The following AP1G1 variants were observed in gnomAD, a reference collection of about 807,000 sequenced individuals.
AP1G1 encodes AP-1 complex subunit gamma-1.
In AP1G1, 7 loss-of-function variants were observed where a neutral mutation model predicts 108.3. That is an observed-to-expected ratio of 0.06 (90% CI 0.04 to 0.12). AP1G1 has a LOEUF of 0.12. Among genes scored for constraint, AP1G1 ranks in the 10% least tolerant of loss-of-function variants. The pLI, the probability that AP1G1 is intolerant of heterozygous loss-of-function variation, is 1.00. For synonymous variants in AP1G1, 379 were observed against 353.5 expected (o/e 1.07, Z -0.81); for missense variants, 756 against 1,010.7 (o/e 0.75, Z 3.42).
intron 6 of AP1G1, among the ~76,000 whole-genome samples, chr16:71,766,829 T>C (rs2031337893): frequency 1.3e-5 from 2 of 152,218 alleles, no homozygotes; most frequent in Non-Finnish European, 2.9e-5. Context: ...CATAACAGTT[T>C]GGAATTAAGT....
Position 71,759,771 on chromosome 16 carries a change from A to T in AP1G1, c.975-850T>A, listed in dbSNP as rs574360802. On this transcript the variant is annotated intron_variant, in intron 10 of 22. Transcript: ENST00000299980. ...CGAGACTCTGTCTCAAAAAAAAAAA[A>T]AATTAATTAAATTAAATTAAATATA... 2.6e-3 allele frequency among the ~76,000 whole-genome samples: 388 copies of T among 149,908 alleles called. 2 individuals carry two copies. The highest frequency in any genetic ancestry group is 8.0e-3 in the African/African-American group (330 of 41,012).
Position 71,738,934 on chromosome 16 carries a change from T to C in AP1G1, c.2268+8A>G. ...CAAAGGAAACATCTAAAGAAGACAT[T>C]GTAGTACCTTTGGTACTGCAGCTTG... On this transcript the variant is annotated splice_region_variant and intron_variant, in intron 21 of 22. Transcript: ENST00000299980. The C allele has an allele frequency of 2.5e-6, 4 of 1,610,370 alleles. No individual in the cohort carries two copies. The highest frequency in any genetic ancestry group is 2.5e-6 in the Non-Finnish European group (3 of 1,178,544).
At chr16:71,743,667 A>C (rs1056116442) in intron 19 of AP1G1, 2 of 151,994 alleles carry the variant, frequency 1.3e-5, no homozygotes, top group African/African-American at 4.8e-5. Context: ...TTAGGATAGA[A>C]GTTGTAGGCC....
chr16:71,744,054 C>T (rs1000037322), intron 19 of AP1G1, among the ~76,000 whole-genome samples: 5 of 151,628 alleles, frequency 3.3e-5, no homozygotes, highest in African/African-American at 7.3e-5. Context: ...ACCAGCCTGA[C>T]GAACATGGAG....
chr16:71,772,116 A>T (rs1350043985), intron 4 of AP1G1, among the ~76,000 whole-genome samples: 1 of 145,840 alleles, frequency 6.9e-6, no homozygotes, highest in East Asian at 2.1e-4. Context: ...GGAGGAAAAA[A>T]TATCTTTTTT....
intron 6 of AP1G1, among the ~76,000 whole-genome samples, chr16:71,768,516 G>T (rs933794099): frequency 5.2e-5 from 3 of 57,450 alleles, no homozygotes; most frequent in Non-Finnish European, 1.1e-4. Context: ...AAAAAAAAGA[G>T]AGAAGGGAGT....
intron 1 of AP1G1, among the ~76,000 whole-genome samples, chr16:71,803,093 C>T (rs1006791240): frequency 5.3e-5 from 8 of 151,442 alleles, no homozygotes; most frequent in African/African-American, 1.9e-4. Context: ...TGCACGCCTG[C>T]AGTCCCAGCT....
chr16:71,765,769 G>C (rs1363927511), intron 6 of AP1G1, 185 bp from the exon 7 acceptor site: 1 of 528,496 alleles, frequency 1.9e-6, no homozygotes, highest in African/African-American at 1.9e-5. Flanking sequence ...TATTCAAGAA[G>C]TAGTATGTAT....
chr16:71,793,370 T>C (rs2032471570), intron 1 of AP1G1, among the ~76,000 whole-genome samples: 1 of 152,122 alleles, frequency 6.6e-6, no homozygotes, highest in South Asian at 2.1e-4. Flanking sequence ...GAAGTCCTCA[T>C]TCAGCCCGTT....
At chr16:71,746,172 A>T (rs1399562272) in intron 17 of AP1G1, among the ~76,000 whole-genome samples, 1 of 152,082 alleles carries the variant, frequency 6.6e-6, no homozygotes, top group Non-Finnish European at 1.5e-5. Flanking sequence ...ACCATGCCCA[A>T]CTAATTTTTT....
intron 13 of AP1G1, among the ~76,000 whole-genome samples, chr16:71,751,012 C>T (rs945300782): frequency 4.0e-5 from 6 of 151,362 alleles, no homozygotes; most frequent in South Asian, 2.1e-4. Flanking sequence ...AAAAATTAGC[C>T]GGGCATGTGG....
intron 2 of AP1G1, among the ~76,000 whole-genome samples, chr16:71,775,321 C>T (rs1242636201): frequency 6.6e-6 from 1 of 152,004 alleles, no homozygotes; most frequent in African/African-American, 2.4e-5. Context: ...CCTGAGCCAC[C>T]GCGCCCGGCC....
chr16:71,777,304 A>G (rs2031823448), intron 2 of AP1G1, among the ~76,000 whole-genome samples: 1 of 150,860 alleles, frequency 6.6e-6, no homozygotes, highest in African/African-American at 2.4e-5. Flanking sequence ...AGGAGAGGCT[A>G]CCAGAGGGTG....
intron 19 of AP1G1, among the ~76,000 whole-genome samples, chr16:71,744,553 G>A (rs371215993): frequency 1.4e-5 from 2 of 146,634 alleles, no homozygotes; most frequent in South Asian, 2.2e-4. Context: ...TATTTTTTGA[G>A]CTTGAAAGAG....
chr16:71,779,073 G>T lies in AP1G1; in HGVS notation c.202-4481C>A, dbSNP rs927499214. On this transcript the variant is annotated intron_variant, in intron 2 of 22. Transcript: ENST00000299980. ...TATATCCAAATTCCACACAATTAAT[G>T]GAAAACTTTTACTTCAAACTCTTCT... 4.1e-4 allele frequency among the ~76,000 whole-genome samples: 62 copies of T among 152,184 alleles called. 1 individual carries two copies. The highest frequency in any genetic ancestry group is 1.3e-3 in the African/African-American group (56 of 41,510).
chr16:71,804,420 T>G (rs2032925557), intron 1 of AP1G1, among the ~76,000 whole-genome samples: 1 of 149,326 alleles, frequency 6.7e-6, no homozygotes, highest in Non-Finnish European at 1.5e-5. Context: ...TTTTTTTTTT[T>G]TTTTTTGAGA....
intron 1 of AP1G1, among the ~76,000 whole-genome samples, chr16:71,793,087 T>C (rs2145535021): frequency 6.6e-6 from 1 of 151,652 alleles, no homozygotes; most frequent in East Asian, 1.9e-4. Flanking sequence ...GAGGATGACC[T>C]GAGCCTAGGA....
At chr16:71,769,964 T>C (rs563654685) in intron 5 of AP1G1, among the ~76,000 whole-genome samples, 37 of 152,336 alleles carry the variant, frequency 2.4e-4, no homozygotes, top group African/African-American at 8.4e-4. Context: ...CCAATACATA[T>C]GTCTCTCCAT....
chr16:71,793,871 G>A (rs2032489685), intron 1 of AP1G1, among the ~76,000 whole-genome samples: 1 of 152,070 alleles, frequency 6.6e-6, no homozygotes, highest in Non-Finnish European at 1.5e-5. Flanking sequence ...CACCACACCA[G>A]GCTGACTGGC....
Sources: allele counts gnomAD v4.1 joint callset (sites outside exome capture counted in the v4.1 genomes callset), GRCh38; gene constraint gnomAD v4.1.1; transcripts MANE v1.5; gene names NCBI Gene and HGNC (gene_info 2026-07-23, HGNC 2026-07-21).